Variants in TMC7 observed in about 807,000 individuals in gnomAD.
TMC7 encodes the protein transmembrane channel like 7, also known as transmembrane channel-like protein 7.
TMC7 carries 54 observed loss-of-function variants against 82.9 expected under a neutral mutation model. The observed-to-expected ratio is 0.65, with a 90% CI of 0.52 to 0.82. The LOEUF (loss-of-function observed/expected upper bound fraction) is 0.82. Among genes scored for constraint, TMC7 ranks in the 40% least tolerant of loss-of-function variants. TMC7 has a pLI of 0.00. For synonymous variants in TMC7, 350 were observed against 337.9 expected, an observed-to-expected ratio of 1.04 and a Z score of -0.39; for missense variants, 820 against 901.2, an observed-to-expected ratio of 0.91 and a Z score of 1.15.
At chr16:19,003,395 G>A (rs1229970873) in intron 1 of TMC7, among the ~76,000 whole-genome samples, 3 of 150,268 alleles carry the variant, frequency 2.0e-5, no homozygotes, top group South Asian at 2.1e-4. Flanking sequence ...CGCCCCGTCC[G>A]GGAGGGAGGT....
intron 6 of TMC7, among the ~76,000 whole-genome samples, chr16:19,033,180 T>C (rs1960595934): frequency 6.6e-6 from 1 of 152,174 alleles, no homozygotes; most frequent in Non-Finnish European, 1.5e-5. Flanking sequence ...GAAATGTGCA[T>C]CCTGGAAGGG....
intron 1 of TMC7, among the ~76,000 whole-genome samples, chr16:19,007,272 A>T (rs1195789760): frequency 6.6e-6 from 1 of 152,108 alleles, no homozygotes; most frequent in Admixed American, 6.6e-5. Context: ...TGGCCCGAGA[A>T]CACAGAAGTG....
chr16:19,008,257 G>A (rs1258790707), intron 1 of TMC7, among the ~76,000 whole-genome samples: 2 of 152,068 alleles, frequency 1.3e-5, no homozygotes, highest in Non-Finnish European at 2.9e-5. Flanking sequence ...CAGAAAGCCC[G>A]CCTGCCTTAG....
Position 19,023,097 on chromosome 16 carries a change from T to C in TMC7, c.629-16T>C. The C allele has an allele frequency of 1.9e-6, 3 of 1,552,770 alleles. No homozygotes were observed. In the South Asian group the frequency reaches 3.5e-5, roughly 18 times the overall value. On this transcript the variant is annotated splice_polypyrimidine_tract_variant and intron_variant, in intron 4 of 15. Coordinates refer to ENST00000304381, the MANE Select transcript of TMC7 (RefSeq NM_024847.4). Reference sequence around the variant, plus strand: ...AAAACTGTTTCCACTGACATTCTGGTTTTTGTTTCTTACAGATAAACAATG... The same window carrying C: ...AAAACTGTTTCCACTGACATTCTGGCTTTTGTTTCTTACAGATAAACAATG...
intron 6 of TMC7, among the ~76,000 whole-genome samples, chr16:19,034,380 T>A (rs1960648039): frequency 6.6e-6 from 1 of 152,084 alleles, no homozygotes; most frequent in South Asian, 2.1e-4. Context: ...GGATGGATGA[T>A]GAGGTCAGGA....
chr16:19,011,393 G>A (rs1596739488), intron 2 of TMC7, among the ~76,000 whole-genome samples: 1 of 151,552 alleles, frequency 6.6e-6, no homozygotes, highest in East Asian at 1.9e-4. Context: ...GAAAGGTCAG[G>A]CAAAGTGGCT....
intron 1 of TMC7, chr16:18,984,556 G>C (rs1190184029): frequency 1.0e-5 from 10 of 1,001,666 alleles, no homozygotes; most frequent in African/African-American, 3.5e-5. Flanking sequence ...ATTCTGCCTT[G>C]TCTGTTTATT....
rs1033980531 is a variant in TMC7, at chr16:19,051,739, T to G, written c.1794T>G (p.Asn598Lys). Residue 598 changes from asparagine to lysine, a missense_variant, in exon 13 of 16, where the codon AAT (asparagine) becomes AAG (lysine). By Grantham distance (94) the Asn-to-Lys change is moderately conservative. This residue lies in a region of TMC7 where 170 missense variants were observed against 231.3 expected (regional missense o/e 0.74). Coordinates refer to ENST00000304381, the MANE Select transcript of TMC7 (RefSeq NM_024847.4). ...CCCCCAGGCCGTTCAGAGCATCCAA[T>G]TCTAATTTCTTCTTCCTGTTGGTGT... ...RPSPRPFRASNSNFFFLLVLL... is the reference protein window; with the variant it reads ...RPSPRPFRASKSNFFFLLVLL... The G allele has an allele frequency of 6.2e-7, 1 of 1,614,090 alleles. No individual in the cohort carries two copies. Among genetic ancestry groups the G allele is most frequent in the Non-Finnish European group, 8.5e-7 (1 of 1,179,996 alleles).
At position 19,046,859 on chromosome 16, in the gene TMC7, G is replaced by A. The variant is rs931953806; in HGVS notation, c.1554-204G>A. On this transcript the variant is annotated intron_variant, in intron 11 of 15. Coordinates refer to ENST00000304381, the MANE Select transcript of TMC7 (RefSeq NM_024847.4). The stretch of plus-strand genomic sequence containing the variant: ...AAAAAAAAAAAAAAAGTCAAGGATT[G>A]TATGAATTTCAGTGCTGAACTATAG... Among the ~76,000 whole-genome samples, 9 of 151,054 alleles carry A rather than the reference G, an allele frequency of 6.0e-5. No individual in the cohort carries two copies. In the East Asian group the frequency reaches 9.7e-4, roughly 16 times the overall value.
At chr16:19,029,130 C>T (rs918684540) in intron 5 of TMC7, among the ~76,000 whole-genome samples, 2 of 151,632 alleles carry the variant, frequency 1.3e-5, no homozygotes, top group African/African-American at 4.8e-5. Context: ...TTCAGCCTCC[C>T]GAGTAGCTGG....
In TMC7 at chr16:19,021,771, C is replaced by T. The variant is rs777891483; in HGVS notation, c.603C>T (p.Phe201=). 8 of 1,614,150 alleles carry T rather than the reference C, an allele frequency of 5.0e-6. No individual in the cohort carries two copies. The highest frequency in any genetic ancestry group is 3.3e-5 in the Admixed American group (2 of 60,006). The change falls in exon 4 of 16, where the codon TTC becomes TTT. Residue 201 remains phenylalanine (F), a synonymous_variant. Transcript: ENST00000304381. The part of the protein sequence containing the change: ...LTKYKITNSS[F]VLIPFKDMDK... ...AATACAAGATCACCAACAGCAGCTTCGTGCTCATTCCTTTCAAAGACATGG... is the reference window on the plus strand; with the variant it reads ...AATACAAGATCACCAACAGCAGCTTTGTGCTCATTCCTTTCAAAGACATGG...
chr16:19,006,464 G>A (rs1200497725), intron 1 of TMC7, among the ~76,000 whole-genome samples: 9 of 152,032 alleles, frequency 5.9e-5, no homozygotes, highest in Admixed American at 3.3e-4. Context: ...AATTACAGGC[G>A]TGAGCCACCG....
rs769515785 is a variant in TMC7 at position 19,045,417 on chromosome 16, T to A, written c.1532T>A (p.Leu511His). Residue 511 changes from leucine (L) to histidine (H), a missense_variant, in exon 11 of 16, where the codon CTC (leucine) becomes CAC (histidine). This residue lies in a region of TMC7 where 650 missense variants were observed against 669.9 expected (regional missense o/e 0.97). Transcript: ENST00000304381. ...FDFIIILAVTLFVDFPRKLLV... is the reference protein window; with the variant it reads ...FDFIIILAVTHFVDFPRKLLV... Reference sequence around the variant, plus strand: ...TTCATCATCATCTTGGCTGTGACACTCTTCGTGGATTTTCCTAGAAAGTAA... The same window carrying A: ...TTCATCATCATCTTGGCTGTGACACACTTCGTGGATTTTCCTAGAAAGTAA... 6.2e-7 allele frequency: 1 copy of A among 1,613,780 alleles called. No homozygotes were observed. The highest frequency in any genetic ancestry group is 2.2e-5 in the East Asian group (1 of 44,854).
chr16:19,057,037 G>T (rs551393346), intron 14 of TMC7, among the ~76,000 whole-genome samples: 119 of 152,132 alleles, frequency 7.8e-4, no homozygotes, highest in Non-Finnish European at 1.4e-3. Context: ...TACTCAGGTG[G>T]CTGAGGCATG....
chr16:19,000,386 G>C (rs2039121351), intron 1 of TMC7, among the ~76,000 whole-genome samples: 1 of 152,086 alleles, frequency 6.6e-6, no homozygotes, highest in African/African-American at 2.4e-5. Context: ...AGAATCGCTT[G>C]AACCCGGGAG....
intron 6 of TMC7, among the ~76,000 whole-genome samples, chr16:19,034,084 C>T (rs1960634306): frequency 6.6e-6 from 1 of 152,176 alleles, no homozygotes; most frequent in African/African-American, 2.4e-5. Context: ...AGAATTGTAT[C>T]TGACCTAAAC....
intron 1 of TMC7, among the ~76,000 whole-genome samples, chr16:18,994,370 G>A (rs1288375588): frequency 2.6e-5 from 4 of 151,928 alleles, no homozygotes; most frequent in African/African-American, 9.7e-5. Context: ...AAGGCTACAG[G>A]GCGCACTCCT....
rs1244724079 is a variant in TMC7, at chr16:19,047,091, AAG to A, written c.1583_1584del (p.Lys528ThrfsTer14). The A allele has an allele frequency of 6.2e-6, 10 of 1,612,270 alleles. No homozygotes were observed. The highest frequency in any genetic ancestry group is 5.9e-6 in the Non-Finnish European group (7 of 1,179,418). ...KLLVTYCSSC[K>X]LIQCWGQQEF... ...CCTGGTGACCTACTGTTCCTCTTGCAAGCTGATTCAGTGCTGGGGGCAGCAGG... is the reference window on the plus strand; with the variant it reads ...CCTGGTGACCTACTGTTCCTCTTGCACTGATTCAGTGCTGGGGGCAGCAGG... On this transcript the variant is annotated frameshift_variant, in exon 12 of 16. Coordinates refer to ENST00000304381, the MANE Select transcript of TMC7 (RefSeq NM_024847.4). LOFTEE classifies it high-confidence loss of function.
intron 1 of TMC7, among the ~76,000 whole-genome samples, chr16:19,007,260 C>T (rs187814034): frequency 5.9e-4 from 90 of 152,270 alleles, no homozygotes; most frequent in African/African-American, 2.0e-3. Flanking sequence ...ACCAGGTAAC[C>T]CTGGCCCGAG....
Sources: gnomAD v4.1 joint callset for allele counts (sites outside exome capture counted in the v4.1 genomes callset) on GRCh38, gnomAD v4.1.1 for gene constraint, gnomAD v4.1.1 regional missense constraint, MANE v1.5 for transcripts, NCBI Gene and HGNC (gene_info 2026-07-23, HGNC 2026-07-21) for gene names.